Variants in SV2C observed in about 807,000 individuals in gnomAD.
The protein encoded by SV2C is solute carrier family 22 member B3.
In SV2C, 49 loss-of-function variants were observed where a neutral mutation model predicts 79.7. That is an observed-to-expected ratio of 0.61 (90% CI 0.49 to 0.78). The LOEUF (loss-of-function observed/expected upper bound fraction) is 0.78, where lower values mean the gene tolerates loss of function less well. Among genes scored for constraint, SV2C ranks in the 30% least tolerant of loss-of-function variants. The probability of loss-of-function intolerance (pLI) is 0.00; values close to 1 mark genes in which losing one functional copy is unlikely to be tolerated. For missense variants in SV2C, 833 were observed against 912.9 expected (o/e 0.91, Z 1.13); for synonymous variants, 334 against 333.2 (o/e 1.00, Z -0.03).
chr5:76,276,945 C>G (rs1747042306), intron 4 of SV2C, among the ~76,000 whole-genome samples: 1 of 152,004 alleles, frequency 6.6e-6, no homozygotes, highest in Non-Finnish European at 1.5e-5. Context: ...CATATCACAG[C>G]ATTATGACAG....
At chr5:76,197,269 C>G (rs1031551097) in intron 3 of SV2C, among the ~76,000 whole-genome samples, 10 of 152,244 alleles carry the variant, frequency 6.6e-5, no homozygotes, top group Admixed American at 2.0e-4. Context: ...TTTCTTATCT[C>G]CTTTGTTCCT....
In SV2C at chr5:76,329,131, T is replaced by A. The variant is rs1749098132; in HGVS notation, c.*3584T>A. On this transcript the variant is annotated 3_prime_UTR_variant, in exon 13 of 13. Transcript: ENST00000502798. ...TGAAAAATTAGGAAATAGGCACGCATAAAAAGAGTGTAGGAAGTTGTTTGG... is the reference window on the plus strand; with the variant it reads ...TGAAAAATTAGGAAATAGGCACGCAAAAAAAGAGTGTAGGAAGTTGTTTGG... 6.6e-6 allele frequency: 1 copy of A among 152,068 alleles called. No homozygotes were observed. Among genetic ancestry groups the A allele is most frequent in the Non-Finnish European group, 1.5e-5 (1 of 68,016 alleles). 9.4% of individuals were successfully genotyped at this position (152,068 alleles called of 1,614,324 possible). A position where few individuals can be genotyped will look rare whatever the true frequency, so the allele number is the denominator to read the frequency against.
At chr5:76,287,635 A>C (rs1032881548) in intron 6 of SV2C, among the ~76,000 whole-genome samples, 2 of 152,164 alleles carry the variant, frequency 1.3e-5, no homozygotes, top group Non-Finnish European at 2.9e-5. Flanking sequence ...GCACTACCAC[A>C]GTGCTGCTGT....
intron 2 of SV2C, among the ~76,000 whole-genome samples, chr5:76,186,224 G>A (rs377011066): frequency 2.0e-5 from 3 of 152,258 alleles, no homozygotes; most frequent in South Asian, 2.1e-4. Context: ...ACATCTTCCT[G>A]TCTTCTTCTG....
At chr5:75,863,781 A>G in the SV2C span, among the ~76,000 whole-genome samples, 9 of 152,346 alleles carry the variant, frequency 5.9e-5, no homozygotes, top group South Asian at 1.9e-3. Context: ...GTGTCCAAAT[A>G]TCATTTTGAG....
chr5:75,896,818 G>A, the SV2C span, among the ~76,000 whole-genome samples: 2 of 149,268 alleles, frequency 1.3e-5, no homozygotes, highest in Admixed American at 1.3e-4. Flanking sequence ...CTGACGGCCA[G>A]TGATGATGAG....
intron 4 of SV2C, among the ~76,000 whole-genome samples, chr5:76,232,986 G>A (rs1414267767): frequency 7.1e-6 from 1 of 140,676 alleles, no homozygotes; most frequent in Non-Finnish European, 1.5e-5. Flanking sequence ...AAAGTCATTG[G>A]TAGCTTGATG....
At chr5:75,973,171 G>T in the SV2C span, among the ~76,000 whole-genome samples, 1 of 151,756 alleles carries the variant, frequency 6.6e-6, no homozygotes, top group African/African-American at 2.4e-5. Flanking sequence ...CACCGGGGAC[G>T]GTTGTGGGGT....
At chr5:76,341,292 C>T (rs1219363155) in intron 12 of SV2C, among the ~76,000 whole-genome samples, 2 of 152,146 alleles carry the variant, frequency 1.3e-5, no homozygotes, top group Non-Finnish European at 2.9e-5. Flanking sequence ...AATCCCAAAA[C>T]TCTAGGGGGC....
At chr5:76,056,524 G>T in the SV2C span, among the ~76,000 whole-genome samples, 6 of 151,692 alleles carry the variant, frequency 4.0e-5, no homozygotes, top group African/African-American at 1.5e-4. Context: ...TTAGGTAGGA[G>T]TCCCTCCTCT....
chr5:75,997,353 A>G, the SV2C span, among the ~76,000 whole-genome samples: 1 of 152,216 alleles, frequency 6.6e-6, no homozygotes, highest in African/African-American at 2.4e-5. Context: ...ATCTAACTAA[A>G]CTAAAGAGCT....
At chr5:76,237,360 C>T (rs185497121) in intron 4 of SV2C, among the ~76,000 whole-genome samples, 262 of 152,260 alleles carry the variant, frequency 1.7e-3, no homozygotes, top group Non-Finnish European at 1.5e-3. Context: ...TCTATAGTCT[C>T]ATAATGTAGG....
At chr5:76,048,265 C>A in the SV2C span, among the ~76,000 whole-genome samples, 1 of 152,116 alleles carries the variant, frequency 6.6e-6, no homozygotes, top group Non-Finnish European at 1.5e-5. Flanking sequence ...TAATTCGGTC[C>A]AAGCTCAAAG....
At chr5:76,254,580 G>A (rs1746213746) in intron 4 of SV2C, among the ~76,000 whole-genome samples, 1 of 152,138 alleles carries the variant, frequency 6.6e-6, no homozygotes, top group African/African-American at 2.4e-5. Flanking sequence ...CATTCAATGT[G>A]AAATAAATAC....
chr5:75,988,685 T>A, the SV2C span, among the ~76,000 whole-genome samples: 1 of 151,962 alleles, frequency 6.6e-6, no homozygotes, highest in Non-Finnish European at 1.5e-5. Flanking sequence ...ATGGTCTCTC[T>A]TTTGAGGAAA....
the SV2C span, among the ~76,000 whole-genome samples, chr5:76,026,971 A>G: frequency 6.6e-6 from 1 of 151,972 alleles, no homozygotes; most frequent in East Asian, 1.9e-4. Context: ...TTTTTTTTCT[A>G]AGGGAATTAC....
At chr5:76,340,051 C>G (rs1749410764) in intron 12 of SV2C, among the ~76,000 whole-genome samples, 2 of 152,218 alleles carry the variant, frequency 1.3e-5, no homozygotes, top group African/African-American at 4.8e-5. Flanking sequence ...AAAGTGACCT[C>G]TGATCATCCT....
At chr5:76,194,291 G>T (rs1287360542) in intron 2 of SV2C, among the ~76,000 whole-genome samples, 2 of 152,210 alleles carry the variant, frequency 1.3e-5, no homozygotes, top group Admixed American at 1.3e-4. Flanking sequence ...AAAAGACACA[G>T]ATATTCTTAT....
the SV2C span, among the ~76,000 whole-genome samples, chr5:76,066,907 GT>G: frequency 6.6e-6 from 1 of 151,950 alleles, no homozygotes; most frequent in African/African-American, 2.4e-5. Context: ...AGCTATGTGT[GT>G]TTATTTTGCC....
Sources: gnomAD v4.1 joint callset for allele counts (sites outside exome capture counted in the v4.1 genomes callset) on GRCh38, gnomAD v4.1.1 for gene constraint, MANE v1.5 for transcripts, NCBI Gene and HGNC (gene_info 2026-07-23, HGNC 2026-07-21) for gene names.